The following ATM variants were observed in gnomAD, a reference collection of about 807,000 sequenced individuals.
The protein encoded by ATM is serine-protein kinase ATM.
In ATM, 308 loss-of-function variants were observed where a neutral mutation model predicts 387.0. That is an observed-to-expected ratio of 0.80 (90% CI 0.73 to 0.87). The LOEUF (loss-of-function observed/expected upper bound fraction) is 0.87, where lower values mean the gene tolerates loss of function less well. Among genes scored for constraint, ATM ranks in the 40% least tolerant of loss-of-function variants. The pLI is 0.00. For synonymous variants in ATM, 1,156 were observed against 1,187.3 expected, an observed-to-expected ratio of 0.97 and a Z score of 0.54; for missense variants, 3,312 against 3,560.9, an observed-to-expected ratio of 0.93 and a Z score of 1.78.
intron 16 of ATM, among the ~76,000 whole-genome samples, chr11:108,262,226 C>T (rs1212567546): frequency 1.3e-5 from 2 of 152,148 alleles, no homozygotes; most frequent in African/African-American, 4.8e-5. Flanking sequence ...TTAAGGGCAG[C>T]CAGAGAGAAA....
chr11:108,334,743 GTTAT>G (rs1221328007), intron 54 of ATM, among the ~76,000 whole-genome samples: 2 of 152,272 alleles, frequency 1.3e-5, no homozygotes, highest in Non-Finnish European at 2.9e-5. Flanking sequence ...TTCGTGAGGA[GTTAT>G]TTCTCAGATG....
At chr11:108,297,826 CT>C in intron 33 of ATM, among the ~76,000 whole-genome samples, 3 of 152,212 alleles carry the variant, frequency 2.0e-5, no homozygotes, top group Middle Eastern at 6.8e-3. Flanking sequence ...CCCTTTTGTA[CT>C]TTTCTTCCTT....
rs1591663009 is a variant in ATM, at chr11:108,289,678, T to A, written c.4313T>A (p.Ile1438Asn). 1 of 1,613,380 alleles carries A rather than the reference T, an allele frequency of 6.2e-7. No individual in the cohort carries two copies. The highest frequency in any genetic ancestry group is 8.5e-7 in the Non-Finnish European group (1 of 1,179,822). The change falls in exon 29 of 63, where the codon ATT (isoleucine) becomes AAT (asparagine). Residue 1438 changes from isoleucine to asparagine, a missense_variant. Transcript: ENST00000675843. ...AATAATGTTTATAAGAAGCACAGAATTCTTAAAATATATCACCTGTTTGTT... is the reference window on the plus strand; with the variant it reads ...AATAATGTTTATAAGAAGCACAGAAATCTTAAAATATATCACCTGTTTGTT... The part of the protein sequence containing the change: ...ETNNVYKKHR[I>N]LKIYHLFVSL...
intron 45 of ATM, among the ~76,000 whole-genome samples, chr11:108,322,289 G>A (rs756747128): frequency 8.5e-5 from 13 of 152,168 alleles, no homozygotes; most frequent in Non-Finnish European, 1.5e-4. Flanking sequence ...CGAGTAGCTG[G>A]GATTATAGGT....
At chr11:108,299,277 A>G (rs1591699671) in intron 33 of ATM, among the ~76,000 whole-genome samples, 1 of 151,794 alleles carries the variant, frequency 6.6e-6, no homozygotes, top group South Asian at 2.1e-4. Flanking sequence ...TGATACCTCA[A>G]CAAAAATTTT....
At chr11:108,336,024 A>T in intron 56 of ATM, 63 bp downstream of exon 56, 1 of 1,295,926 alleles carries the variant, frequency 7.7e-7, no homozygotes, top group Admixed American at 1.7e-5. Flanking sequence ...TGGTTGGGTG[A>T]AGTGGCTCAT....
At chr11:108,283,839 A>G (rs932582468) in intron 25 of ATM, among the ~76,000 whole-genome samples, 3 of 152,176 alleles carry the variant, frequency 2.0e-5, no homozygotes, top group Non-Finnish European at 4.4e-5. Context: ...AAAAATATGC[A>G]AGTATAAGTT....
chr11:108,245,241 A>G (rs976295212), intron 7 of ATM, among the ~76,000 whole-genome samples: 2 of 152,180 alleles, frequency 1.3e-5, no homozygotes, highest in Non-Finnish European at 2.9e-5. Context: ...TCAATACAAT[A>G]TTAGGTATTA....
intron 16 of ATM, among the ~76,000 whole-genome samples, chr11:108,262,147 T>C (rs2080933458): frequency 6.6e-6 from 1 of 151,944 alleles, no homozygotes; most frequent in South Asian, 2.1e-4. Flanking sequence ...ACAAAGATAC[T>C]CCTCGAGAAG....
At chr11:108,250,122 C>T (rs2080051485) in intron 9 of ATM, among the ~76,000 whole-genome samples, 1 of 142,176 alleles carries the variant, frequency 7.0e-6, no homozygotes, top group Non-Finnish European at 1.5e-5. Context: ...CAAGATAACT[C>T]AGAAATAAAA....
At chr11:108,303,126 C>A in intron 36 of ATM, 97 bp downstream of exon 36, 1 of 1,188,670 alleles carries the variant, frequency 8.4e-7, no homozygotes, top group African/African-American at 1.5e-5. Flanking sequence ...TAATATCACC[C>A]CCACTCAAAC....
At chr11:108,317,119 T>A (rs1322305883) in intron 42 of ATM, among the ~76,000 whole-genome samples, 1 of 127,568 alleles carries the variant, frequency 7.8e-6, no homozygotes, top group Non-Finnish European at 1.7e-5. Flanking sequence ...AAAAAAAAAA[T>A]TGTAGAGACA....
At chr11:108,295,333 G>GTTT (rs754503110) in intron 32 of ATM, 86 of 288,172 alleles carry the variant, frequency 3.0e-4, no homozygotes, top group Middle Eastern at 1.2e-3. Flanking sequence ...AAGAGACAGA[G>GTTT]TTTTTTTTTT....
At chr11:108,244,236 C>A in intron 6 of ATM, 118 bp downstream of exon 6, 2 of 1,184,396 alleles carry the variant, frequency 1.7e-6, no homozygotes, top group Non-Finnish European at 2.4e-6. Flanking sequence ...TCCATCATAA[C>A]AGAACTAGTG....
In ATM at chr11:108,365,628, T is replaced by C; in HGVS notation, c.*120T>C. 4 of 1,266,196 alleles carry C rather than the reference T, an allele frequency of 3.2e-6. No individual in the cohort carries two copies. The highest frequency in any genetic ancestry group is 4.4e-6 in the Non-Finnish European group (4 of 918,422). The allele number at this position is 1,266,196 out of a possible 1,614,324, so 78.4% of individuals were successfully genotyped here. On this transcript the variant is annotated 3_prime_UTR_variant, in exon 63 of 63. Coordinates refer to ENST00000675843, the MANE Select transcript of ATM (RefSeq NM_000051.4). ...TATTTAAGTGAACTATTGTGGGTTT[T>C]TTTGAATGTTGGTTTTAATACTTGA...
Position 108,289,599 on chromosome 11 carries a change from TAG to T in ATM, c.4237-2_4237-1del. The T allele has an allele frequency of 6.2e-7, 1 of 1,601,644 alleles. No homozygotes were observed. Among genetic ancestry groups the T allele is most frequent in the Non-Finnish European group, 8.5e-7 (1 of 1,174,206 alleles). On this transcript the variant is annotated splice_acceptor_variant, in intron 28 of 62. Coordinates refer to ENST00000675843, the MANE Select transcript of ATM (RefSeq NM_000051.4). LOFTEE classifies it high-confidence loss of function. ...GTTTTTACTAAATCTGTTTATTTTCTAGGATTCCTATCAGAAAATTCTTCTTG... is the reference window on the plus strand; with the variant it reads ...GTTTTTACTAAATCTGTTTATTTTCTGATTCCTATCAGAAAATTCTTCTTG...
intron 61 of ATM, among the ~76,000 whole-genome samples, chr11:108,357,529 A>T (rs930897139): frequency 3.3e-5 from 5 of 152,228 alleles, no homozygotes; most frequent in South Asian, 2.1e-4. Context: ...TAACCTCTGC[A>T]GACTTAAATG....
At chr11:108,324,689 A>C (rs2085480969) in intron 45 of ATM, among the ~76,000 whole-genome samples, 1 of 152,000 alleles carries the variant, frequency 6.6e-6, no homozygotes, top group African/African-American at 2.4e-5. Flanking sequence ...CCTCTTTCTT[A>C]TTTCTTTCAA....
At chr11:108,304,639 C>T in intron 36 of ATM, 36 bp from the exon 37 acceptor site, 1 of 1,597,262 alleles carries the variant, frequency 6.3e-7, no homozygotes, top group Non-Finnish European at 8.6e-7. Context: ...CTCATTTTTA[C>T]TCAAACTATT....
Sources: gnomAD v4.1 joint callset for allele counts (sites outside exome capture counted in the v4.1 genomes callset) on GRCh38, gnomAD v4.1.1 for gene constraint, MANE v1.5 for transcripts, NCBI Gene and HGNC (gene_info 2026-07-23, HGNC 2026-07-21) for gene names.